The following CD101 variants were observed in gnomAD, a reference collection of about 807,000 sequenced individuals.
The protein encoded by CD101 is CD101 molecule.
In CD101, 76 loss-of-function variants were observed where a neutral mutation model predicts 98.2. The observed-to-expected ratio is 0.77, with a 90% CI of 0.64 to 0.94. CD101 has a LOEUF of 0.94. CD101 is among the 40% of genes least tolerant of loss of function. The pLI, the probability that CD101 is intolerant of heterozygous loss-of-function variation, is 0.00. For synonymous variants in CD101, 471 were observed against 472.7 expected (o/e 1.00, Z 0.05); for missense variants, 1,145 against 1,218.8 (o/e 0.94, Z 0.90).
In CD101 at chr1:117,011,948, C is replaced by T. The variant is rs944992444; in HGVS notation, c.823C>T (p.Leu275=). 6.2e-7 allele frequency: 1 copy of T among 1,612,162 alleles called. No homozygotes were observed. Among genetic ancestry groups the T allele is most frequent in the Non-Finnish European group, 8.5e-7 (1 of 1,178,434 alleles). ...CAAAAAGCAGACCGATCAAACCACTCTGAGGATCCAGCCAGCAGGTAATTA... is the reference window on the plus strand; with the variant it reads ...CAAAAAGCAGACCGATCAAACCACTTTGAGGATCCAGCCAGCAGGTAATTA... The part of the protein sequence containing the change: ...ITKKQTDQTT[L]RIQPAVKDFQ... The change falls in exon 3 of 10, where the codon CTG becomes TTG. Residue 275 remains leucine, a synonymous_variant. Coordinates refer to ENST00000682167, the MANE Select transcript of CD101 (RefSeq NM_001256106.3).
chr1:117,011,447 CAA>C, intron 2 of CD101, 101 bp from the exon 3 acceptor site: 1 of 983,016 alleles, frequency 1.0e-6, no homozygotes, highest in Non-Finnish European at 1.5e-6. Context: ...AAAACCAACT[CAA>C]AGTCTGTGTG....
Position 117,032,434 on chromosome 1 carries a change from C to T in CD101, c.2825-1426C>T, listed in dbSNP as rs1654518971. On this transcript the variant is annotated intron_variant, in intron 8 of 9. Transcript: ENST00000682167. ...CAGGAGGTGAGCGAATGTCTAGATT[C>T]TTTCTTGACTATCATCAAAGAGATG... 2 of 152,238 alleles carry T rather than the reference C, an allele frequency of 1.3e-5. 1 individual carries two copies. The highest frequency in any genetic ancestry group is 4.1e-4 in the South Asian group (2 of 4,832). The allele number at this position is 152,238 out of a possible 1,614,324, so 9.4% of individuals were successfully genotyped here. A position where few individuals can be genotyped will look rare whatever the true frequency, so the allele number is the denominator to read the frequency against.
intron 9 of CD101, among the ~76,000 whole-genome samples, chr1:117,034,958 G>A (rs142471730): frequency 9.7e-4 from 148 of 152,324 alleles, no homozygotes; most frequent in Admixed American, 1.7e-3. Context: ...TGGTAGGGAA[G>A]GTATTGTCTG....
At position 117,013,752 on chromosome 1, in the gene CD101, G is replaced by A. The variant is rs995064039; in HGVS notation, c.1188G>A (p.Lys396=). The A allele has an allele frequency of 1.2e-6, 2 of 1,613,430 alleles. No individual in the cohort carries two copies. The highest frequency in any genetic ancestry group is 1.1e-5 in the South Asian group (1 of 91,018). The change falls in exon 4 of 10, where the codon AAG becomes AAA. Residue 396 remains lysine, a synonymous_variant. Coordinates refer to ENST00000682167, the MANE Select transcript of CD101 (RefSeq NM_001256106.3). ...GTTCCTGGCAGGTGCTTCAGAGAAA[G>A]CAGTCACCAGACAGCCACGTGCACC... ...RTGSWQVLQR[K]QSPDSHVHLR... is the part of the protein sequence containing the mutation.
Position 117,033,868 on chromosome 1 carries a change from C to T in CD101, c.2833C>T (p.Leu945Phe), listed in dbSNP as rs1294880504. The change falls in exon 9 of 10, where the codon CTT (leucine) becomes TTT (phenylalanine). Residue 945 changes from leucine to phenylalanine, a missense_variant. By Grantham distance (22) the Leu-to-Phe change is conservative (BLOSUM62 0). Transcript: ENST00000682167. The surrounding 1 kb of genome is among the most constrained non-coding windows in gnomAD (Gnocchi z 4.8). ...VLTVLPSEPT[L>F]PSRICSSAPL... ...TTCTCCCTTCGTTGCAGAGCCCACGCTTCCTTCCAGGATCTGCTCCTCGGC... is the reference window on the plus strand; with the variant it reads ...TTCTCCCTTCGTTGCAGAGCCCACGTTTCCTTCCAGGATCTGCTCCTCGGC... The T allele has an allele frequency of 6.2e-7, 1 of 1,614,198 alleles. No individual in the cohort carries two copies. Among genetic ancestry groups the T allele is most frequent in the South Asian group, 1.1e-5 (1 of 91,076 alleles).
In CD101 at chr1:117,012,993, G is replaced by C. The variant is rs1652980102; in HGVS notation, c.842-413G>C. Among the ~76,000 whole-genome samples, 1 of 152,046 alleles carries C rather than the reference G, an allele frequency of 6.6e-6. No homozygotes were observed. The highest frequency in any genetic ancestry group is 6.5e-5 in the Admixed American group (1 of 15,276). On this transcript the variant is annotated intron_variant, in intron 3 of 9. Coordinates refer to ENST00000682167, the MANE Select transcript of CD101 (RefSeq NM_001256106.3). This position sits in a 1 kb window ranked among gnomAD's most constrained non-coding sequence, Gnocchi z 4.0. ...ATATCACATGTGCTTTTTAACTTCA[G>C]AAAATTCTGCTGGATATTCTTAGCC...
Position 117,033,640 on chromosome 1 carries a change from C to T in CD101, c.2825-220C>T, listed in dbSNP as rs918186445. On this transcript the variant is annotated intron_variant, in intron 8 of 9. Transcript: ENST00000682167. The surrounding 1 kb of genome is among the most constrained non-coding windows in gnomAD (Gnocchi z 4.8). ...ATTGGAACCTCCAGTGGTTGGAAAT[C>T]GCAGGGCAAGGGGCTGTTGCATTAG... Among the ~76,000 whole-genome samples, 6 of 152,066 alleles carry T rather than the reference C, an allele frequency of 3.9e-5. No individual in the cohort carries two copies. The highest frequency in any genetic ancestry group is 1.9e-4 in the East Asian group (1 of 5,186).
Position 117,013,436 on chromosome 1 carries a change from A to G in CD101, c.872A>G (p.Asp291Gly), listed in dbSNP as rs1217677002. ...VKDFQVNITA[D>G]SLFAEGKPLE... ...GATTTTCAAGTCAACATTACAGCTG[A>G]CAGCTTGTTTGCTGAAGGGAAACCC... is the stretch of plus-strand genomic sequence containing the variant. The change falls in exon 4 of 10, where the codon GAC (aspartate) becomes GGC (glycine). Residue 291 changes from aspartate (D) to glycine (G), a missense_variant. Coordinates refer to ENST00000682167, the MANE Select transcript of CD101 (RefSeq NM_001256106.3). 2 of 1,611,320 alleles carry G rather than the reference A, an allele frequency of 1.2e-6. No individual in the cohort carries two copies. Among genetic ancestry groups the G allele is most frequent in the Admixed American group, 3.4e-5 (2 of 59,700 alleles).
In CD101 at chr1:117,036,224, T is replaced by TCCTGAAC. The variant is rs1654819465; in HGVS notation, c.*91_*92insCTGAACC. Reference sequence around the variant, plus strand: ...CCCCGTGTGGAATGTGGTGACCTAGTCACCTGGAACCAGCTCCTGACAGAC... The same window carrying TCCTGAAC: ...CCCCGTGTGGAATGTGGTGACCTAGTCCTGAACCACCTGGAACCAGCTCCTGACAGAC... On this transcript the variant is annotated 3_prime_UTR_variant, in exon 10 of 10. Transcript: ENST00000682167. The surrounding 1 kb of genome is among the most constrained non-coding windows in gnomAD (Gnocchi z 5.0). The TCCTGAAC allele has an allele frequency of 6.6e-6, 1 of 152,284 alleles. No individual in the cohort carries two copies. 9.4% of individuals were successfully genotyped at this position (152,284 alleles called of 1,614,324 possible). A position where few individuals can be genotyped will look rare whatever the true frequency, so the allele number is the denominator to read the frequency against.
chr1:117,011,626 C>T lies in CD101; in HGVS notation c.501C>T (p.Thr167=). The T allele has an allele frequency of 6.2e-7, 1 of 1,614,038 alleles. No individual in the cohort carries two copies. Among genetic ancestry groups the T allele is most frequent in the Non-Finnish European group, 8.5e-7 (1 of 1,179,960 alleles). Reference sequence around the variant, plus strand: ...AGGAAGGTGAGCCATTAGCCCTCACCTGTGAGGCATCCAAAGCCACAGCCC... The same window carrying T: ...AGGAAGGTGAGCCATTAGCCCTCACTTGTGAGGCATCCAAAGCCACAGCCC... ...GKEEGEPLAL[T]CEASKATAQH... The change falls in exon 3 of 10, where the codon ACC becomes ACT. Residue 167 remains threonine, a synonymous_variant. Transcript: ENST00000682167.
chr1:117,029,504 C>T (rs1025471143), intron 8 of CD101, among the ~76,000 whole-genome samples: 1 of 152,222 alleles, frequency 6.6e-6, no homozygotes, highest in African/African-American at 2.4e-5. Flanking sequence ...CAGAGACTTC[C>T]CTTATTCTTT....
Position 117,034,072 on chromosome 1 carries a change from G to C in CD101, c.3037G>C (p.Glu1013Gln), listed in dbSNP as rs549105885. The change falls in exon 9 of 10, where the codon GAA becomes CAA. Residue 1013 changes from glutamate to glutamine, a missense_variant. Transcript: ENST00000682167. ...EAGGVTTNRR[E>Q]DEEEDEGN ...TGGAGGTGTGACCACAAATAGGAGG[G>C]AAGACGAGGAGGAAGATGAAGGCAA... is the stretch of plus-strand genomic sequence containing the variant. 20 of 1,614,180 alleles carry C rather than the reference G, an allele frequency of 1.2e-5. No homozygotes were observed. In the South Asian group the frequency reaches 2.1e-4, roughly 17 times the overall value.
chr1:117,010,732 C>A lies in CD101; in HGVS notation c.424+502C>A, dbSNP rs770174825. ...TCTGGAATATCTATCACCCCCTTTT[C>A]AGCTTAACAAACTCCTACATATACT... is the stretch of plus-strand genomic sequence containing the variant. On this transcript the variant is annotated intron_variant, in intron 2 of 9. Transcript: ENST00000682167. This position sits in a 1 kb window ranked among gnomAD's most constrained non-coding sequence, Gnocchi z 5.2. Among the ~76,000 whole-genome samples, 3 of 152,234 alleles carry A rather than the reference C, an allele frequency of 2.0e-5. No individual in the cohort carries two copies. Among genetic ancestry groups the A allele is most frequent in the Non-Finnish European group, 2.9e-5 (2 of 68,040 alleles).
At position 117,017,460 on chromosome 1, in the gene CD101, T is replaced by C; in HGVS notation, c.1599T>C (p.Thr533=). The part of the protein sequence containing the change: ...DLSWTQKISV[T]VKSLESSLQV... ...GCTGGACTCAGAAGATTTCAGTTAC[T>C]GTAAAGTCTCTGGGTAAGTGTCAAA... The change falls in exon 5 of 10, where the codon ACT becomes ACC. Residue 533 remains threonine (T), a synonymous_variant. Transcript: ENST00000682167. The C allele has an allele frequency of 1.2e-6, 2 of 1,610,138 alleles. No homozygotes were observed. Among genetic ancestry groups the C allele is most frequent in the Non-Finnish European group, 1.7e-6 (2 of 1,177,164 alleles).
intron 1 of CD101, among the ~76,000 whole-genome samples, chr1:117,003,152 C>A (rs1237764604): frequency 6.6e-6 from 1 of 152,090 alleles, no homozygotes; most frequent in Non-Finnish European, 1.5e-5. Context: ...AAAAAACAAA[C>A]AAACAAACAA....
At position 117,016,579 on chromosome 1, in the gene CD101, C is replaced by G. The variant is rs1653230745; in HGVS notation, c.1229-511C>G. 2.0e-5 allele frequency among the ~76,000 whole-genome samples: 3 copies of G among 152,246 alleles called. No individual in the cohort carries two copies. In the South Asian group the frequency reaches 6.2e-4, roughly 32 times the overall value. ...GCAAGTGATAAATTGTTTAAGTAAG[C>G]TGGGTGCAGTGGCTCATGCCTGTAA... On this transcript the variant is annotated intron_variant, in intron 4 of 9. Coordinates refer to ENST00000682167, the MANE Select transcript of CD101 (RefSeq NM_001256106.3).
rs762484190 is a variant in CD101, at chr1:117,013,434, T to C, written c.870T>C (p.Ala290=). The change falls in exon 4 of 10, where the codon GCT becomes GCC. Residue 290 remains alanine, a synonymous_variant. Transcript: ENST00000682167. ...AAGATTTTCAAGTCAACATTACAGCTGACAGCTTGTTTGCTGAAGGGAAAC... is the reference window on the plus strand; with the variant it reads ...AAGATTTTCAAGTCAACATTACAGCCGACAGCTTGTTTGCTGAAGGGAAAC... ...AVKDFQVNIT[A]DSLFAEGKPL... 6.2e-7 allele frequency: 1 copy of C among 1,611,404 alleles called. No individual in the cohort carries two copies. Among genetic ancestry groups the C allele is most frequent in the Non-Finnish European group, 8.5e-7 (1 of 1,178,256 alleles).
chr1:117,002,301 T>C (rs1264859105), intron 1 of CD101, among the ~76,000 whole-genome samples: 2 of 152,198 alleles, frequency 1.3e-5, no homozygotes, highest in Non-Finnish European at 2.9e-5. Flanking sequence ...AAGTACTTAG[T>C]AGTTTTAGAC....
chr1:117,001,767 C>T lies in CD101; in HGVS notation c.-51C>T, dbSNP rs752272191. The T allele has an allele frequency of 1.9e-6, 3 of 1,562,710 alleles. No individual in the cohort carries two copies. Among genetic ancestry groups the T allele is most frequent in the Non-Finnish European group, 1.8e-6 (2 of 1,134,038 alleles). ...GAGAGCACAGCATTTGTCACTCAAC[C>T]TCTGAATGTTAGTGACACTATTGGG... On this transcript the variant is annotated 5_prime_UTR_variant, in exon 1 of 10. Coordinates refer to ENST00000682167, the MANE Select transcript of CD101 (RefSeq NM_001256106.3).
Sources: allele counts gnomAD v4.1 joint callset (sites outside exome capture counted in the v4.1 genomes callset), GRCh38; gene constraint gnomAD v4.1.1; non-coding constraint Gnocchi (gnomAD v3.1); transcripts MANE v1.5; gene names NCBI Gene and HGNC (gene_info 2026-07-23, HGNC 2026-07-21).